The following MAGI3 variants were observed in gnomAD, a reference collection of about 807,000 sequenced individuals.
MAGI3 encodes the protein membrane-associated guanylate kinase, WW and PDZ domain-containing protein 3.
In MAGI3, 43 loss-of-function variants were observed where a neutral mutation model predicts 121.8. The observed-to-expected ratio is 0.35, with a 90% CI of 0.28 to 0.46. The LOEUF is 0.46. Ranked by LOEUF, MAGI3 falls within the 20% of genes least tolerant of loss-of-function variation. The pLI is 1.00. For missense variants in MAGI3, 1,547 were observed against 1,797.3 expected (o/e 0.86, Z 2.52); for synonymous variants, 553 against 639.3 (o/e 0.86, Z 2.04).
intron 1 of MAGI3, among the ~76,000 whole-genome samples, chr1:113,477,124 G>C (rs766137330): frequency 2.7e-5 from 4 of 150,934 alleles, no homozygotes; most frequent in Non-Finnish European, 5.9e-5. Context: ...GTGCATCTTT[G>C]CACATGAGAT....
rs1333289742 is a variant in MAGI3 at position 113,429,688 on chromosome 1, G to A, written c.316+38339G>A. 3.3e-5 allele frequency among the ~76,000 whole-genome samples: 5 copies of A among 152,138 alleles called. No homozygotes were observed. The East Asian group carries it at 9.6e-4, about 29-fold the overall frequency. On this transcript the variant is annotated intron_variant, in intron 1 of 20. Transcript: ENST00000307546. ...GTACTCCTATGCAAATGAAGACTGG[G>A]CCCGTGACCAGTTTGGTTGCAGGAA... is the stretch of plus-strand genomic sequence containing the variant.
chr1:113,460,548 G>A (rs928202746), intron 1 of MAGI3, among the ~76,000 whole-genome samples: 5 of 152,132 alleles, frequency 3.3e-5, no homozygotes, highest in Admixed American at 2.6e-4. Flanking sequence ...GGTGGCTCAC[G>A]CCTGTAATCC....
chr1:113,638,257 G>T (rs1046087869), intron 9 of MAGI3, among the ~76,000 whole-genome samples: 1 of 152,202 alleles, frequency 6.6e-6, no homozygotes, highest in African/African-American at 2.4e-5. Flanking sequence ...ATCCAGCTTT[G>T]TTCCGTTGCT....
At position 113,643,707 on chromosome 1, in the gene MAGI3, C is replaced by A. The variant is rs778756883; in HGVS notation, c.1967-36C>A. On this transcript the variant is annotated intron_variant, in intron 10 of 20. Coordinates refer to ENST00000307546, the MANE Select transcript of MAGI3 (RefSeq NM_001142782.2). Reference sequence around the variant, plus strand: ...AGTATTTGTGATCTGGGAATGCATCCTCTGGTTTTAAACTTTGGTTCATTT... The same window carrying A: ...AGTATTTGTGATCTGGGAATGCATCATCTGGTTTTAAACTTTGGTTCATTT... The A allele has an allele frequency of 1.9e-6, 3 of 1,607,612 alleles. No homozygotes were observed. In the East Asian group the frequency reaches 6.7e-5, roughly 36 times the overall value.
intron 1 of MAGI3, among the ~76,000 whole-genome samples, chr1:113,458,099 A>G (rs1461390792): frequency 6.6e-6 from 1 of 152,164 alleles, no homozygotes; most frequent in Non-Finnish European, 1.5e-5. Flanking sequence ...AAACCTTTAG[A>G]TTGTTTGTTT....
chr1:113,485,517 G>T (rs1040229246), intron 1 of MAGI3, among the ~76,000 whole-genome samples: 17 of 151,626 alleles, frequency 1.1e-4, no homozygotes, highest in Non-Finnish European at 4.4e-5. Flanking sequence ...TTGTTTGCTT[G>T]GTTTTTTTTC....
At chr1:113,605,266 A>G (rs1192782382) in intron 6 of MAGI3, among the ~76,000 whole-genome samples, 1 of 152,190 alleles carries the variant, frequency 6.6e-6, no homozygotes, top group Non-Finnish European at 1.5e-5. Context: ...AAGAGAATGG[A>G]TAAACCATTT....
chr1:113,495,987 C>A (rs566999069), intron 1 of MAGI3, among the ~76,000 whole-genome samples: 1 of 152,218 alleles, frequency 6.6e-6, no homozygotes, highest in African/African-American at 2.4e-5. Context: ...TGTAAGAATT[C>A]CTAGTTTTTC....
chr1:113,624,451 G>T (rs2101792813), intron 9 of MAGI3, among the ~76,000 whole-genome samples: 1 of 152,300 alleles, frequency 6.6e-6, no homozygotes, highest in South Asian at 2.1e-4. Flanking sequence ...GTATTTATCT[G>T]ATGATCAATG....
intron 1 of MAGI3, among the ~76,000 whole-genome samples, chr1:113,518,539 A>G (rs1045901862): frequency 1.3e-5 from 2 of 152,104 alleles, no homozygotes; most frequent in Non-Finnish European, 2.9e-5. Context: ...GTTTGATTAG[A>G]TATTGAAACC....
Position 113,447,804 on chromosome 1 carries a change from G to A in MAGI3, c.316+56455G>A, listed in dbSNP as rs553362190. Among the ~76,000 whole-genome samples the A allele has an allele frequency of 1.7e-4, 26 of 151,896 alleles. No homozygotes were observed. The South Asian group carries it at 5.0e-3, about 29-fold the overall frequency. On this transcript the variant is annotated intron_variant, in intron 1 of 20. Transcript: ENST00000307546. ...GGGAGGCGGACGTTGCAGTAGAGCC[G>A]AGATCACGCCACTGCACTCCAGCCT... is the stretch of plus-strand genomic sequence containing the variant.
chr1:113,622,942 G>A lies in MAGI3; in HGVS notation c.1308G>A (p.Val436=), dbSNP rs1650926685. ...GGDRPDEFLQ[V]KNVLKDGPAA... is the part of the protein sequence containing the mutation. ...ATAGACCTGATGAGTTCCTACAAGT[G>A]AAAAATGTGCTGAAAGATGGTCCCG... Residue 436 remains valine (V), a synonymous_variant, in exon 9 of 21, where the codon GTG becomes GTA. Coordinates refer to ENST00000307546, the MANE Select transcript of MAGI3 (RefSeq NM_001142782.2). The A allele has an allele frequency of 6.4e-7, 1 of 1,572,284 alleles. No homozygotes were observed. The highest frequency in any genetic ancestry group is 2.0e-5 in the Admixed American group (1 of 49,296).
At chr1:113,572,221 G>A (rs2884703) in intron 2 of MAGI3, among the ~76,000 whole-genome samples, 34,628 of 152,156 alleles carry the variant, frequency 0.23, 4,941 homozygotes, top group East Asian at 0.65. Context: ...TGTTGAACCA[G>A]CGTTGCATCC....
At chr1:113,557,776 A>C (rs1039689085) in intron 2 of MAGI3, among the ~76,000 whole-genome samples, 7 of 152,192 alleles carry the variant, frequency 4.6e-5, no homozygotes, top group Non-Finnish European at 8.8e-5. Context: ...TCCTTACTGG[A>C]GTATCCAGCC....
Position 113,681,442 on chromosome 1 carries a change from A to C in MAGI3, c.3328+106A>C. On this transcript the variant is annotated intron_variant, in intron 20 of 20. Transcript: ENST00000307546. ...GGATAGATATTTTACTAGTTAATTC[A>C]GAGGTGAATGCTAGAACCATGAAAA... The C allele has an allele frequency of 4.0e-6, 5 of 1,239,182 alleles. No homozygotes were observed. In the South Asian group the frequency reaches 8.0e-5, roughly 20 times the overall value. The allele number at this position is 1,239,182 out of a possible 1,614,324, so 76.8% of individuals were successfully genotyped here. A position where few individuals can be genotyped will look rare whatever the true frequency, so the allele number is the denominator to read the frequency against.
chr1:113,510,812 A>G (rs982873038), intron 1 of MAGI3, among the ~76,000 whole-genome samples: 11 of 152,198 alleles, frequency 7.2e-5, no homozygotes, highest in African/African-American at 2.4e-4. Flanking sequence ...ATTTAACTGC[A>G]TGCTGTTTCC....
At chr1:113,543,908 A>G (rs1013661821) in intron 1 of MAGI3, among the ~76,000 whole-genome samples, 6 of 151,672 alleles carry the variant, frequency 4.0e-5, no homozygotes, top group Admixed American at 1.3e-4. Context: ...AACTTATTCT[A>G]TTTTCTAGGT....
intron 9 of MAGI3, among the ~76,000 whole-genome samples, chr1:113,625,041 C>T (rs1009956354): frequency 6.6e-6 from 1 of 152,074 alleles, no homozygotes; most frequent in Non-Finnish European, 1.5e-5. Flanking sequence ...CTATTCTGTT[C>T]CACTGGTCTA....
intron 1 of MAGI3, among the ~76,000 whole-genome samples, chr1:113,509,029 C>T (rs1179699797): frequency 6.6e-6 from 1 of 152,018 alleles, no homozygotes; most frequent in Non-Finnish European, 1.5e-5. Context: ...TTAGGCAACC[C>T]TAACATTAAG....
Sources: gnomAD v4.1 joint callset for allele counts (sites outside exome capture counted in the v4.1 genomes callset) on GRCh38, gnomAD v4.1.1 for gene constraint, MANE v1.5 for transcripts, NCBI Gene and HGNC (gene_info 2026-07-23, HGNC 2026-07-21) for gene names.